Variants in GAL3ST3 observed in about 807,000 individuals in gnomAD.
The protein encoded by GAL3ST3 is beta-galactose-3-O-sulfotransferase 3.
In GAL3ST3, 21 loss-of-function variants were observed where a neutral mutation model predicts 20.8. The ratio of observed to expected loss-of-function variants is 1.01; its 90% CI spans 0.72 to 1.45. The LOEUF is 1.45. Ranked by LOEUF, GAL3ST3 falls within the 40% of genes most tolerant of loss-of-function variation. GAL3ST3 has a pLI of 0.00. For synonymous variants in GAL3ST3, 355 were observed against 307.2 expected, an observed-to-expected ratio of 1.16 and a Z score of -1.63; for missense variants, 739 against 662.7, an observed-to-expected ratio of 1.12 and a Z score of -1.26.
In GAL3ST3 at chr11:66,045,521, G is replaced by T; in HGVS notation, c.-106C>A. The T allele has an allele frequency of 7.7e-7, 1 of 1,299,230 alleles. No homozygotes were observed. Among genetic ancestry groups the T allele is most frequent in the Non-Finnish European group, 1.0e-6 (1 of 974,976 alleles). The allele number at this position is 1,299,230 out of a possible 1,614,324, so 80.5% of individuals were successfully genotyped here. On this transcript the variant is annotated 5_prime_UTR_variant, in exon 2 of 3. Transcript: ENST00000312006. ...CTCTGGTAGCAGGGCCAGTGTTCCC[G>T]AGAAGCCTGGCAGAAGAAGGCAGAC...
At position 66,043,316 on chromosome 11, in the gene GAL3ST3, T is replaced by A; in HGVS notation, c.487A>T (p.Ser163Cys). ...EPAAMFESLF[S>C]YYNQYCPAFR... ...GCCGGGCAGTACTGGTTGTAGTAGC[T>A]GAAGAGCGACTCGAACATGGCGGCC... The change falls in exon 3 of 3, where the codon AGC becomes TGC. Residue 163 changes from serine (S) to cysteine (C), a missense_variant. Ser to Cys is a moderately radical substitution (Grantham distance 112, BLOSUM62 -1). Coordinates refer to ENST00000312006, the MANE Select transcript of GAL3ST3 (RefSeq NM_033036.3). 1 of 1,612,348 alleles carries A rather than the reference T, an allele frequency of 6.2e-7. No homozygotes were observed. The highest frequency in any genetic ancestry group is 8.5e-7 in the Non-Finnish European group (1 of 1,179,302).
At chr11:66,046,752 C>T (rs1484415949) in intron 1 of GAL3ST3, among the ~76,000 whole-genome samples, 1 of 152,184 alleles carries the variant, frequency 6.6e-6, no homozygotes, top group East Asian at 1.9e-4. Context: ...TCTCCAGGTT[C>T]AAGTTTAGCT....
Position 66,041,070 on chromosome 11 carries a change from C to CT in GAL3ST3, c.*1436dup, listed in dbSNP as rs1283241247. 1.3e-5 allele frequency among the ~76,000 whole-genome samples: 2 copies of CT among 152,070 alleles called. No individual in the cohort carries two copies. The highest frequency in any genetic ancestry group is 2.1e-4 in the South Asian group (1 of 4,830). On this transcript the variant is annotated 3_prime_UTR_variant, in exon 3 of 3. Transcript: ENST00000312006. ...ATCAGCCTAGCTTGTGGCATGTGAC[C>CT]TTTTTTATTTGAATGGCACTACAGA... is the stretch of plus-strand genomic sequence containing the variant.
Position 66,043,022 on chromosome 11 carries a change from C to A in GAL3ST3, c.781G>T (p.Asp261Tyr). ...LRRLLAWDLD[D>Y]VLYAKLNARA... ...GCGTTGAGCTTGGCGTAGAGCACGTCGTCCAGGTCCCAGGCCAGTAGGCGC... is the reference window on the plus strand; with the variant it reads ...GCGTTGAGCTTGGCGTAGAGCACGTAGTCCAGGTCCCAGGCCAGTAGGCGC... Residue 261 changes from aspartate (D) to tyrosine (Y), a missense_variant, in exon 3 of 3, where the codon GAC (aspartate) becomes TAC (tyrosine). Asp to Tyr is a radical substitution (Grantham distance 160). Transcript: ENST00000312006. 6.2e-7 allele frequency: 1 copy of A among 1,609,556 alleles called. No homozygotes were observed. Among genetic ancestry groups the A allele is most frequent in the Non-Finnish European group, 8.5e-7 (1 of 1,178,814 alleles).
Position 66,040,900 on chromosome 11 carries a change from G to C in GAL3ST3, c.*1607C>G, listed in dbSNP as rs1020903998. ...CAAACAGTCCCTTTTCAAGCCCAGCGTGTCATGCATCCTGCCAATCAATCA... is the reference window on the plus strand; with the variant it reads ...CAAACAGTCCCTTTTCAAGCCCAGCCTGTCATGCATCCTGCCAATCAATCA... On this transcript the variant is annotated 3_prime_UTR_variant, in exon 3 of 3. Coordinates refer to ENST00000312006, the MANE Select transcript of GAL3ST3 (RefSeq NM_033036.3). 1.3e-5 allele frequency among the ~76,000 whole-genome samples: 2 copies of C among 152,192 alleles called. No homozygotes were observed. Among genetic ancestry groups the C allele is most frequent in the Non-Finnish European group, 2.9e-5 (2 of 68,042 alleles).
chr11:66,044,027 AGAT>A (rs1359548983), intron 2 of GAL3ST3, among the ~76,000 whole-genome samples: 5 of 152,204 alleles, frequency 3.3e-5, no homozygotes, highest in Non-Finnish European at 7.3e-5. Flanking sequence ...CTGGGATGAC[AGAT>A]GATGGGGGAA....
chr11:66,045,598 C>T (rs1410929094), intron 1 of GAL3ST3, 71 bp from the exon 2 acceptor site: 20 of 525,538 alleles, frequency 3.8e-5, no homozygotes, highest in Non-Finnish European at 2.2e-5. Context: ...AGGTCTGATG[C>T]AAAGAGCTCC....
At position 66,043,410 on chromosome 11, in the gene GAL3ST3, G is replaced by T. The variant is rs773974057; in HGVS notation, c.393C>A (p.Arg131=). 2 of 1,610,082 alleles carry T rather than the reference G, an allele frequency of 1.2e-6. No individual in the cohort carries two copies. The highest frequency in any genetic ancestry group is 1.3e-5 in the African/African-American group (1 of 74,994). The change falls in exon 3 of 3, where the codon CGC becomes CGA. Residue 131 remains arginine, a synonymous_variant. Coordinates refer to ENST00000312006, the MANE Select transcript of GAL3ST3 (RefSeq NM_033036.3). Reference sequence around the variant, plus strand: ...GGCGCTCCAGCTCCGCACGGTCGAAGCGCAGGTGGCTGGCCAGCACGTGCG... The same window carrying T: ...GGCGCTCCAGCTCCGCACGGTCGAATCGCAGGTGGCTGGCCAGCACGTGCG... ...RPPHVLASHL[R]FDRAELERLM...
chr11:66,047,434 C>T (rs1856793109), intron 1 of GAL3ST3, among the ~76,000 whole-genome samples: 1 of 152,208 alleles, frequency 6.6e-6, no homozygotes, highest in Admixed American at 6.5e-5. Flanking sequence ...TTCTACTGGC[C>T]GCACAGAGAG....
At chr11:66,045,255 G>C in intron 2 of GAL3ST3, 36 bp downstream of exon 2, 1 of 1,476,886 alleles carries the variant, frequency 6.8e-7, no homozygotes, top group Non-Finnish European at 9.0e-7. Context: ...GAATGGGGAG[G>C]GGAGCTCCGG....
chr11:66,044,241 C>G (rs1264514101), intron 2 of GAL3ST3, among the ~76,000 whole-genome samples: 1 of 152,192 alleles, frequency 6.6e-6, no homozygotes, highest in Non-Finnish European at 1.5e-5. Context: ...TGGTTGCAAC[C>G]CCATGAAAGA....
Position 66,043,067 on chromosome 11 carries a change from C to A in GAL3ST3, c.736G>T (p.Glu246Ter). ...SLVMIAEYFD[E>*]SLVLLRRLLA... ...AGGCGCCGCAGCAGCACTAGCGACT[C>A]GTCGAAGTACTCGGCGATCATGACG... The change falls in exon 3 of 3, where the codon GAG (glutamate) becomes TAG (stop). Residue 246 changes from glutamate to a stop codon, truncating the protein, a stop_gained. Coordinates refer to ENST00000312006, the MANE Select transcript of GAL3ST3 (RefSeq NM_033036.3). LOFTEE classifies it high-confidence loss of function. 4 of 1,611,670 alleles carry A rather than the reference C, an allele frequency of 2.5e-6. No homozygotes were observed. The highest frequency in any genetic ancestry group is 3.4e-6 in the Non-Finnish European group (4 of 1,179,320).
chr11:66,042,574 TCGGGC>T lies in GAL3ST3; in HGVS notation c.1224_1228del (p.Pro409AlafsTer72). The T allele has an allele frequency of 1.3e-6, 2 of 1,532,578 alleles. No individual in the cohort carries two copies. The highest frequency in any genetic ancestry group is 1.7e-6 in the Non-Finnish European group (2 of 1,146,290). The allele number at this position is 1,532,578 out of a possible 1,614,324, so 94.9% of individuals were successfully genotyped here. On this transcript the variant is annotated frameshift_variant, in exon 3 of 3. Coordinates refer to ENST00000312006, the MANE Select transcript of GAL3ST3 (RefSeq NM_033036.3). LOFTEE classifies it high-confidence loss of function. ...AGGCGGGGGATTGTCCAGGACGGGC[TCGGGC>T]CGAGCCCGCGCACCGCCCCGGCGCT... is the stretch of plus-strand genomic sequence containing the variant.
chr11:66,045,298 G>A lies in GAL3ST3; in HGVS notation c.118C>T (p.Leu40Phe), dbSNP rs2135021631. 1.9e-6 allele frequency: 3 copies of A among 1,576,652 alleles called. No individual in the cohort carries two copies. In the East Asian group the frequency reaches 7.1e-5, roughly 37 times the overall value. The change falls in exon 2 of 3, where the codon CTC becomes TTC. Residue 40 changes from leucine to phenylalanine, a missense_variant. By Grantham distance (22) the Leu-to-Phe change is conservative. Transcript: ENST00000312006. ...VSLLIHQGAQ[L>F]SWYPKLFPLS... ...GGGGCCCCGCCCCCTTACCAGCTGA[G>A]CTGCGCCCCCTGGTGGATGAGAAGG... is the stretch of plus-strand genomic sequence containing the variant.
chr11:66,041,494 A>C lies in GAL3ST3; in HGVS notation c.*1013T>G, dbSNP rs902587016. On this transcript the variant is annotated 3_prime_UTR_variant, in exon 3 of 3. Transcript: ENST00000312006. The stretch of plus-strand genomic sequence containing the variant: ...AGGAAAGCAGGCCATTAGTGAAGTC[A>C]GTGATTCACAGGAGGAGGTCAAATT... Among the ~76,000 whole-genome samples the C allele has an allele frequency of 6.6e-6, 1 of 152,220 alleles. No homozygotes were observed. Among genetic ancestry groups the C allele is most frequent in the Non-Finnish European group, 1.5e-5 (1 of 68,038 alleles).
chr11:66,042,547 C>G lies in GAL3ST3; in HGVS notation c.1256G>C (p.Arg419Pro), dbSNP rs1481913701. Residue 419 changes from arginine to proline, a missense_variant, in exon 3 of 3, where the codon CGG becomes CCG. By Grantham distance (103) the Arg-to-Pro change is moderately radical. Coordinates refer to ENST00000312006, the MANE Select transcript of GAL3ST3 (RefSeq NM_033036.3). Reference protein sequence around the residue: ...PEPVLDNPPPRPIRVLPRGPQ... With the variant: ...PEPVLDNPPPPPIRVLPRGPQ... ...GCCGCGAGGCAGCACTCGGATGGGC[C>G]GAGGCGGGGGATTGTCCAGGACGGG... 4.6e-6 allele frequency: 7 copies of G among 1,513,602 alleles called. No homozygotes were observed. Among genetic ancestry groups the G allele is most frequent in the South Asian group, 1.2e-5 (1 of 80,974 alleles). The allele number at this position is 1,513,602 out of a possible 1,614,324, so 93.8% of individuals were successfully genotyped here.
At chr11:66,045,616 G>C in intron 1 of GAL3ST3, 89 bp from the exon 2 acceptor site, 1 of 476,864 alleles carries the variant, frequency 2.1e-6, no homozygotes. Flanking sequence ...TCCAACAGGT[G>C]GGGTAAGCAG....
intron 2 of GAL3ST3, 148 bp downstream of exon 2, chr11:66,045,143 A>G: frequency 1.7e-6 from 1 of 586,284 alleles, no homozygotes; most frequent in Non-Finnish European, 2.7e-6. Flanking sequence ...CTTTCATTGA[A>G]GAGCAGTCCC....
Position 66,042,794 on chromosome 11 carries a change from C to G in GAL3ST3, c.1009G>C (p.Gly337Arg), listed in dbSNP as rs1370944106. The G allele has an allele frequency of 9.5e-6, 14 of 1,471,210 alleles. No homozygotes were observed. In the South Asian group the frequency reaches 1.5e-4, roughly 15 times the overall value. 91.1% of individuals were successfully genotyped at this position (1,471,210 alleles called of 1,614,324 possible). Reference protein sequence around the residue: ...ARQRLLRRCFGDEPLLRPAAQ... With the variant: ...ARQRLLRRCFRDEPLLRPAAQ... ...GCAGGCCGCAGCAGTGGCTCGTCCC[C>G]GAAGCAGCGCCGCAGTAGGCGCTGG... is the stretch of plus-strand genomic sequence containing the variant. Residue 337 changes from glycine (G) to arginine (R), a missense_variant, in exon 3 of 3, where the codon GGG (glycine) becomes CGG (arginine). By Grantham distance (125) the Gly-to-Arg change is moderately radical. Transcript: ENST00000312006.
Sources: allele counts gnomAD v4.1 joint callset (sites outside exome capture counted in the v4.1 genomes callset), GRCh38; gene constraint gnomAD v4.1.1; transcripts MANE v1.5; gene names NCBI Gene and HGNC (gene_info 2026-07-23, HGNC 2026-07-21).